MSRA: variants seen among roughly 807,000 people sequenced by gnomAD.
MSRA encodes the protein mitochondrial peptide methionine sulfoxide reductase.
Under a neutral mutation model 31.3 loss-of-function variants are expected in MSRA, and 54 were observed. That is an observed-to-expected ratio of 1.73 (90% CI 1.39 to 2.17). The LOEUF (loss-of-function observed/expected upper bound fraction) is 2.17, where lower values mean the gene tolerates loss of function less well. Among genes scored for constraint, MSRA ranks in the 30% most tolerant of loss-of-function variants. MSRA has a pLI of 0.00. For missense variants in MSRA, 507 were observed against 300.9 expected, an observed-to-expected ratio of 1.69 and a Z score of -5.07; for synonymous variants, 169 against 116.5, an observed-to-expected ratio of 1.45 and a Z score of -2.90.
intron 1 of MSRA, among the ~76,000 whole-genome samples, chr8:10,069,019 G>T (rs539773749): frequency 3.9e-5 from 6 of 152,036 alleles, no homozygotes; most frequent in Non-Finnish European, 8.8e-5. Context: ...AAAATATTTC[G>T]TGTTTTTTTG....
chr8:10,221,896 G>A (rs2129067942), intron 2 of MSRA, among the ~76,000 whole-genome samples: 1 of 152,196 alleles, frequency 6.6e-6, no homozygotes, highest in East Asian at 1.9e-4. Flanking sequence ...CCTGAGGCAG[G>A]AGTGGCGGAG....
chr8:10,312,272 G>GT (rs1489398140), intron 4 of MSRA, among the ~76,000 whole-genome samples: 1 of 152,144 alleles, frequency 6.6e-6, no homozygotes, highest in African/African-American at 2.4e-5. Context: ...CTGGGAAGTT[G>GT]TTCAAGGAAA....
At chr8:10,060,692 ACTTG>A (rs1802666728) in intron 1 of MSRA, among the ~76,000 whole-genome samples, 1 of 151,694 alleles carries the variant, frequency 6.6e-6, no homozygotes, top group African/African-American at 2.4e-5. Context: ...TTTTTCTGCA[ACTTG>A]CTTTTGTAAT....
chr8:10,403,751 C>T (rs1032443485), intron 5 of MSRA, among the ~76,000 whole-genome samples: 4 of 152,216 alleles, frequency 2.6e-5, no homozygotes, highest in East Asian at 1.9e-4. Flanking sequence ...GCAGCGATGC[C>T]GGTGGCTTCC....
In MSRA at chr8:10,396,647, A is replaced by C. The variant is rs1807114449; in HGVS notation, c.544-31501A>C. Among the ~76,000 whole-genome samples the C allele has an allele frequency of 2.6e-5, 4 of 152,358 alleles. No homozygotes were observed. In the South Asian group the frequency reaches 8.3e-4, roughly 32 times the overall value. ...TCAGAACTTTCTGGAAGGATGACAT[A>C]CGTGTGGCTGTTGAATAATCTTGTC... On this transcript the variant is annotated intron_variant, in intron 5 of 5. Transcript: ENST00000317173.
At chr8:10,213,068 A>T (rs1809650709) in intron 2 of MSRA, among the ~76,000 whole-genome samples, 1 of 152,160 alleles carries the variant, frequency 6.6e-6, no homozygotes, top group Admixed American at 6.5e-5. Context: ...TTATTTTTAA[A>T]TATACAATTA....
At chr8:10,317,130 C>T (rs1801770833) in intron 4 of MSRA, among the ~76,000 whole-genome samples, 1 of 152,310 alleles carries the variant, frequency 6.6e-6, no homozygotes, top group African/African-American at 2.4e-5. Context: ...AATGAGATTG[C>T]TCCCGCAAAG....
chr8:10,194,507 G>T (rs1011690892), intron 1 of MSRA, among the ~76,000 whole-genome samples: 3 of 152,108 alleles, frequency 2.0e-5, no homozygotes, highest in East Asian at 1.9e-4. Context: ...CAGAGGTTGC[G>T]GTGAGCCAAG....
chr8:10,343,030 CACACACACACACACACACACACAG>C (rs1373278270), intron 5 of MSRA, among the ~76,000 whole-genome samples: 49 of 96,360 alleles, frequency 5.1e-4, no homozygotes, highest in East Asian at 2.8e-3. Flanking sequence ...TACACACACA[CACACACACACACACACACACACAG>C]ACACACACAC....
intron 5 of MSRA, among the ~76,000 whole-genome samples, chr8:10,377,905 C>G (rs1042705770): frequency 6.6e-6 from 1 of 152,198 alleles, no homozygotes; most frequent in African/African-American, 2.4e-5. Flanking sequence ...AGTGCAGGCC[C>G]CCGTGATCCA....
chr8:10,145,486 C>T (rs1366882967), intron 1 of MSRA, among the ~76,000 whole-genome samples: 1 of 152,144 alleles, frequency 6.6e-6, no homozygotes, highest in African/African-American at 2.4e-5. Context: ...TTGCTTGCCG[C>T]CTGCATAATT....
intron 4 of MSRA, among the ~76,000 whole-genome samples, chr8:10,306,678 G>T (rs1167781202): frequency 2.6e-5 from 4 of 152,172 alleles, no homozygotes; most frequent in Non-Finnish European, 5.9e-5. Context: ...GCATTTCATG[G>T]CTGGTCTGTA....
At position 10,273,793 on chromosome 8, in the gene MSRA, A is replaced by G. The variant is rs147887350; in HGVS notation, c.332-27741A>G. 2.4e-4 allele frequency among the ~76,000 whole-genome samples: 36 copies of G among 152,036 alleles called. 1 individual carries two copies. The highest frequency in any genetic ancestry group is 8.2e-4 in the African/African-American group (34 of 41,550). On this transcript the variant is annotated intron_variant, in intron 3 of 5. Coordinates refer to ENST00000317173, the MANE Select transcript of MSRA (RefSeq NM_012331.5). ...GTTAGGGCTACTTTTCAGGCAACACAAACTATTCCAATTACTTCAAGCAGA... is the reference window on the plus strand; with the variant it reads ...GTTAGGGCTACTTTTCAGGCAACACGAACTATTCCAATTACTTCAAGCAGA...
chr8:10,081,869 C>G (rs939950497), intron 1 of MSRA, among the ~76,000 whole-genome samples: 2 of 152,092 alleles, frequency 1.3e-5, no homozygotes, highest in Non-Finnish European at 2.9e-5. Flanking sequence ...ATGTTCTACC[C>G]CGAATTCTAC....
chr8:10,106,579 C>T (rs919627120), intron 1 of MSRA, among the ~76,000 whole-genome samples: 9 of 152,160 alleles, frequency 5.9e-5, no homozygotes, highest in Admixed American at 3.3e-4. Flanking sequence ...ACACCACACA[C>T]GTTTCAGGTG....
At chr8:10,399,902 A>C (rs925763535) in intron 5 of MSRA, among the ~76,000 whole-genome samples, 1 of 152,190 alleles carries the variant, frequency 6.6e-6, no homozygotes, top group East Asian at 1.9e-4. Flanking sequence ...TGGGGGCAGC[A>C]TGGAACTTGT....
chr8:10,219,259 A>C (rs542396161), intron 2 of MSRA, among the ~76,000 whole-genome samples: 50 of 152,206 alleles, frequency 3.3e-4, no homozygotes, highest in African/African-American at 1.2e-3. Flanking sequence ...TAATATCGTG[A>C]ATGAGTTTGA....
At chr8:10,373,163 T>C (rs921884058) in intron 5 of MSRA, among the ~76,000 whole-genome samples, 2 of 152,190 alleles carry the variant, frequency 1.3e-5, no homozygotes, top group Non-Finnish European at 2.9e-5. Flanking sequence ...AGTGTAGGGA[T>C]TACAAGCGTG....
At chr8:10,382,085 G>C (rs1055890636) in intron 5 of MSRA, among the ~76,000 whole-genome samples, 2 of 152,250 alleles carry the variant, frequency 1.3e-5, no homozygotes. Flanking sequence ...GTGAAGTTAA[G>C]TGGCTTTCTA....
Sources: allele counts gnomAD v4.1 joint callset (sites outside exome capture counted in the v4.1 genomes callset), GRCh38; gene constraint gnomAD v4.1.1; transcripts MANE v1.5; gene names NCBI Gene and HGNC (gene_info 2026-07-23, HGNC 2026-07-21).